Variants in ARF4 observed in about 807,000 individuals in gnomAD.
The protein encoded by ARF4 is ADP-ribosylation factor 4.
A neutral mutation model predicts 24.3 loss-of-function variants in ARF4; 5 were observed. That is an observed-to-expected ratio of 0.21 (90% CI 0.11 to 0.43). The LOEUF is 0.43. Among genes scored for constraint, ARF4 ranks in the 20% least tolerant of loss-of-function variants. The pLI, the probability that ARF4 is intolerant of heterozygous loss-of-function variation, is 1.00. For missense variants in ARF4, 107 were observed against 213.0 expected, an observed-to-expected ratio of 0.50 and a Z score of 3.10; for synonymous variants, 62 against 73.5, an observed-to-expected ratio of 0.84 and a Z score of 0.80.
chr3:57,582,811 G>A (rs2069991947), intron 3 of ARF4, among the ~76,000 whole-genome samples: 1 of 152,136 alleles, frequency 6.6e-6, no homozygotes, highest in Non-Finnish European at 1.5e-5. Flanking sequence ...AAACACAATC[G>A]AGGTGGGACC....
chr3:57,575,404 G>C, intron 5 of ARF4, 144 bp downstream of exon 5: 3 of 767,726 alleles, frequency 3.9e-6, no homozygotes, highest in Non-Finnish European at 5.4e-6. Context: ...GGTATTTAAA[G>C]TTTATTACCA....
chr3:57,585,624 A>G, intron 1 of ARF4, among the ~76,000 whole-genome samples: 1 of 150,166 alleles, frequency 6.7e-6, no homozygotes, highest in South Asian at 2.1e-4. Context: ...ATAATAAAAG[A>G]CCCTATCACA....
chr3:57,597,016 C>A (rs2070197734), intron 1 of ARF4, 58 bp downstream of exon 1: 1 of 1,581,354 alleles, frequency 6.3e-7, no homozygotes, highest in African/African-American at 1.3e-5. Flanking sequence ...AGAGGCCACC[C>A]CAATTGTGGA....
chr3:57,575,818 A>G, intron 4 of ARF4, 145 bp from the exon 5 acceptor site: 2 of 886,082 alleles, frequency 2.3e-6, no homozygotes, highest in Non-Finnish European at 3.2e-6. Context: ...TTACAACTGA[A>G]GTCTCATATC....
rs1414203704 is a variant in ARF4 at position 57,586,444 on chromosome 3, A to G, written c.68-1980T>C. Among the ~76,000 whole-genome samples the G allele has an allele frequency of 2.0e-5, 3 of 152,234 alleles. No individual in the cohort carries two copies. In the East Asian group the frequency reaches 5.8e-4, roughly 29 times the overall value. On this transcript the variant is annotated intron_variant, in intron 1 of 5. Coordinates refer to ENST00000303436, the MANE Select transcript of ARF4 (RefSeq NM_001660.4). ...AAAACAGAAGCGAAGGCTACAGGCA[A>G]TTCTGATTCCTTCTACCCTCTTAAC...
At chr3:57,578,398 A>T (rs1016364623) in intron 3 of ARF4, among the ~76,000 whole-genome samples, 1 of 151,920 alleles carries the variant, frequency 6.6e-6, no homozygotes, top group African/African-American at 2.4e-5. Flanking sequence ...CTTAAAAAAA[A>T]AAAGAAAGAA....
intron 1 of ARF4, among the ~76,000 whole-genome samples, chr3:57,590,684 A>G (rs62260506): frequency 0.16 from 24,648 of 152,020 alleles, 2,632 homozygotes; most frequent in East Asian, 0.48. Context: ...ACATATATAT[A>G]CATTTGTTTT....
chr3:57,593,782 C>A (rs545828304), intron 1 of ARF4, among the ~76,000 whole-genome samples: 9 of 152,104 alleles, frequency 5.9e-5, no homozygotes, highest in Admixed American at 3.9e-4. Context: ...CGCCCTGTAA[C>A]CCTAGCACTT....
At chr3:57,594,911 C>A (rs2070163042) in intron 1 of ARF4, among the ~76,000 whole-genome samples, 1 of 152,160 alleles carries the variant, frequency 6.6e-6, no homozygotes, top group Admixed American at 6.5e-5. Flanking sequence ...ACATATCTCC[C>A]TCGTACGTTG....
chr3:57,584,288 T>A (rs1338715275), intron 2 of ARF4, 96 bp downstream of exon 2: 9 of 1,156,858 alleles, frequency 7.8e-6, no homozygotes, highest in Non-Finnish European at 1.1e-5. Context: ...TCTAAGATAA[T>A]CAACATGCTT....
chr3:57,578,286 G>A (rs111828543), intron 3 of ARF4, among the ~76,000 whole-genome samples: 2 of 151,614 alleles, frequency 1.3e-5, no homozygotes, highest in East Asian at 3.9e-4. Context: ...TGGGCGCAGT[G>A]GCTCACTCCT....
chr3:57,580,929 A>G (rs2069962981), intron 3 of ARF4, among the ~76,000 whole-genome samples: 1 of 152,086 alleles, frequency 6.6e-6, no homozygotes, highest in Admixed American at 6.6e-5. Flanking sequence ...TTAAAATGCA[A>G]ATAATGCTAT....
At chr3:57,574,906 T>C (rs1272396221) in intron 5 of ARF4, among the ~76,000 whole-genome samples, 1 of 149,436 alleles carries the variant, frequency 6.7e-6, no homozygotes, top group Non-Finnish European at 1.5e-5. Flanking sequence ...TGGAGTGCAG[T>C]GGCGCGATCG....
intron 1 of ARF4, among the ~76,000 whole-genome samples, chr3:57,587,003 C>A (rs941503513): frequency 6.6e-6 from 1 of 152,004 alleles, no homozygotes; most frequent in Non-Finnish European, 1.5e-5. Context: ...GGAGGTCCAA[C>A]TGGACCTCAG....
At chr3:57,589,751 C>A (rs1231481625) in intron 1 of ARF4, among the ~76,000 whole-genome samples, 1 of 150,768 alleles carries the variant, frequency 6.6e-6, no homozygotes, top group East Asian at 2.0e-4. Context: ...AAAAACAAAC[C>A]TTTGCCCATA....
intron 1 of ARF4, 92 bp downstream of exon 1, chr3:57,596,982 C>A: frequency 2.2e-6 from 3 of 1,382,230 alleles, no homozygotes; most frequent in Non-Finnish European, 3.0e-6. Context: ...CCCACCACAG[C>A]GGGCGGAGGA....
intron 1 of ARF4, among the ~76,000 whole-genome samples, chr3:57,587,522 AT>A (rs932126456): frequency 9.0e-4 from 136 of 151,254 alleles, no homozygotes; most frequent in African/African-American, 2.9e-3. Flanking sequence ...ACTGATAGGA[AT>A]TTTTTTTTAC....
intron 3 of ARF4, among the ~76,000 whole-genome samples, chr3:57,580,682 T>C (rs759112623): frequency 6.6e-6 from 1 of 152,002 alleles, no homozygotes; most frequent in African/African-American, 2.4e-5. Flanking sequence ...GCATAAGCCA[T>C]AGCACCCGGT....
intron 3 of ARF4, among the ~76,000 whole-genome samples, chr3:57,577,941 G>A (rs1444814928): frequency 6.6e-6 from 1 of 152,000 alleles, no homozygotes; most frequent in Non-Finnish European, 1.5e-5. Flanking sequence ...TTTAGTCCCA[G>A]CTACTTGGGA....
Sources: allele counts gnomAD v4.1 joint callset (sites outside exome capture counted in the v4.1 genomes callset), GRCh38; gene constraint gnomAD v4.1.1; transcripts MANE v1.5; gene names NCBI Gene and HGNC (gene_info 2026-07-23, HGNC 2026-07-21).